The following PRELID2 variants were observed in gnomAD, a reference collection of about 807,000 sequenced individuals.
PRELID2 encodes PRELI domain-containing protein 2.
Under a neutral mutation model 28.4 loss-of-function variants are expected in PRELID2, and 25 were observed. That is an observed-to-expected ratio of 0.88 (90% CI 0.64 to 1.23). The LOEUF is 1.23. Among genes scored for constraint, PRELID2 ranks in the 50% most tolerant of loss-of-function variants. PRELID2 has a pLI of 0.00. For missense variants in PRELID2, 201 were observed against 214.4 expected (o/e 0.94, Z 0.39); for synonymous variants, 76 against 71.6 (o/e 1.06, Z -0.31).
At chr5:145,365,544 T>C in the PRELID2 span, among the ~76,000 whole-genome samples, 2 of 151,944 alleles carry the variant, frequency 1.3e-5, no homozygotes, top group African/African-American at 4.8e-5. Flanking sequence ...TAACCTAATT[T>C]TGGCGTATGT....
the PRELID2 span, among the ~76,000 whole-genome samples, chr5:145,446,538 T>C: frequency 6.6e-6 from 1 of 152,118 alleles, no homozygotes; most frequent in Non-Finnish European, 1.5e-5. Context: ...CCTGGTATGT[T>C]CCAAGAACCT....
At chr5:145,735,385 T>G (rs1033955373) in intron 1 of PRELID2, among the ~76,000 whole-genome samples, 2 of 152,086 alleles carry the variant, frequency 1.3e-5, no homozygotes, top group African/African-American at 4.8e-5. Flanking sequence ...AAAGATGCAT[T>G]TTTATACACA....
At chr5:145,658,161 C>T (rs1453683597) in intron 1 of PRELID2, among the ~76,000 whole-genome samples, 3 of 152,154 alleles carry the variant, frequency 2.0e-5, no homozygotes, top group Non-Finnish European at 4.4e-5. Flanking sequence ...CTAAAATCAT[C>T]TCCTTTTATT....
chr5:145,456,430 C>T, the PRELID2 span, among the ~76,000 whole-genome samples: 1 of 152,240 alleles, frequency 6.6e-6, no homozygotes, highest in African/African-American at 2.4e-5. Flanking sequence ...AGCACTTACC[C>T]AGCCATTTTT....
chr5:145,678,869 T>G (rs1258573655), intron 1 of PRELID2, among the ~76,000 whole-genome samples: 1 of 152,182 alleles, frequency 6.6e-6, no homozygotes, highest in African/African-American at 2.4e-5. Context: ...TCTGTTTAAT[T>G]GTAGTTATTA....
At chr5:145,402,938 G>C in the PRELID2 span, among the ~76,000 whole-genome samples, 1 of 152,124 alleles carries the variant, frequency 6.6e-6, no homozygotes, top group Non-Finnish European at 1.5e-5. Context: ...CTGAGGAAGG[G>C]GTTTTGTCAA....
chr5:145,314,562 T>C, the PRELID2 span, among the ~76,000 whole-genome samples: 1 of 152,158 alleles, frequency 6.6e-6, no homozygotes, highest in East Asian at 1.9e-4. Context: ...ACTTTTATTT[T>C]TTTTTCCAAA....
chr5:145,551,732 T>A (rs570052446), intron 1 of PRELID2, among the ~76,000 whole-genome samples: 5 of 152,214 alleles, frequency 3.3e-5, no homozygotes, highest in Admixed American at 3.3e-4. Flanking sequence ...TGGGATCAGT[T>A]TAATAAAGAG....
intron 2 of PRELID2, chr5:145,473,153 T>C (rs1294565944): frequency 6.6e-6 from 1 of 152,158 alleles, no homozygotes; most frequent in Non-Finnish European, 1.5e-5. Context: ...CAATTTTGAG[T>C]GAAGAAGGCT....
At chr5:145,743,646 G>A (rs1233194904) in intron 1 of PRELID2, among the ~76,000 whole-genome samples, 7 of 152,032 alleles carry the variant, frequency 4.6e-5, no homozygotes, top group South Asian at 2.1e-4. Flanking sequence ...GCTACCCAGC[G>A]TGGAAACCGT....
the PRELID2 span, among the ~76,000 whole-genome samples, chr5:145,332,893 T>A: frequency 6.6e-6 from 1 of 152,160 alleles, no homozygotes; most frequent in Non-Finnish European, 1.5e-5. Context: ...CTTATCCTCA[T>A]CTTCATGGAT....
chr5:145,427,234 C>T, the PRELID2 span, among the ~76,000 whole-genome samples: 2 of 152,294 alleles, frequency 1.3e-5, no homozygotes, highest in South Asian at 2.1e-4. Context: ...ATCCCTAAGT[C>T]TTGGTTTTAG....
chr5:145,420,197 T>C, the PRELID2 span, among the ~76,000 whole-genome samples: 1 of 152,164 alleles, frequency 6.6e-6, no homozygotes, highest in Non-Finnish European at 1.5e-5. Context: ...TGGCTTAGGA[T>C]TGACTTGGCG....
intron 1 of PRELID2, among the ~76,000 whole-genome samples, chr5:145,506,944 C>T (rs1459727970): frequency 6.6e-6 from 1 of 152,124 alleles, no homozygotes; most frequent in Non-Finnish European, 1.5e-5. Context: ...TTATTGTATG[C>T]ATAAATTTCA....
the PRELID2 span, among the ~76,000 whole-genome samples, chr5:145,254,801 G>A: frequency 6.6e-6 from 1 of 151,836 alleles, no homozygotes; most frequent in African/African-American, 2.4e-5. Flanking sequence ...AGATGGGCAA[G>A]AGAAATGAGA....
chr5:145,275,124 G>T, the PRELID2 span, among the ~76,000 whole-genome samples: 1 of 152,008 alleles, frequency 6.6e-6, no homozygotes, highest in African/African-American at 2.4e-5. Context: ...ATTTTCTGAG[G>T]TACTGGGTCT....
the PRELID2 span, among the ~76,000 whole-genome samples, chr5:145,327,616 G>A: frequency 6.6e-6 from 1 of 151,888 alleles, no homozygotes; most frequent in Non-Finnish European, 1.5e-5. Context: ...AGTAATTATT[G>A]ATAGGTAAGA....
intron 1 of PRELID2, among the ~76,000 whole-genome samples, chr5:145,742,825 A>G (rs1756872949): frequency 6.6e-6 from 1 of 151,866 alleles, no homozygotes; most frequent in Admixed American, 6.6e-5. Context: ...GAAAAGATCA[A>G]TAAAATTAAA....
chr5:145,767,259 C>T (rs1169274474), intron 5 of PRELID2, among the ~76,000 whole-genome samples: 2 of 151,806 alleles, frequency 1.3e-5, no homozygotes, highest in African/African-American at 4.8e-5. Flanking sequence ...GGCTTGATGG[C>T]AGGACCTCAG....
Sources: allele counts gnomAD v4.1 joint callset (sites outside exome capture counted in the v4.1 genomes callset), GRCh38; gene constraint gnomAD v4.1.1; transcripts MANE v1.5; gene names NCBI Gene and HGNC (gene_info 2026-07-23, HGNC 2026-07-21).